Variants in RAD17 observed in about 807,000 individuals in gnomAD.
The protein encoded by RAD17 is cell cycle checkpoint protein RAD17.
A neutral mutation model predicts 81.5 loss-of-function variants in RAD17; 31 were observed. The observed-to-expected ratio is 0.38, with a 90% CI of 0.29 to 0.51. The LOEUF (loss-of-function observed/expected upper bound fraction) is 0.51. RAD17 is among the 20% of genes least tolerant of loss of function. The probability of loss-of-function intolerance (pLI) is 0.88; values close to 1 mark genes in which losing one functional copy is unlikely to be tolerated. For missense variants in RAD17, 681 were observed against 781.2 expected (o/e 0.87, Z 1.53); for synonymous variants, 261 against 266.2 (o/e 0.98, Z 0.19).
rs1241271941 is a variant in RAD17, at chr5:69,414,300, C to T, written c.*8C>T. 1 of 1,611,734 alleles carries T rather than the reference C, an allele frequency of 6.2e-7. No homozygotes were observed. Among genetic ancestry groups the T allele is most frequent in the Non-Finnish European group, 8.5e-7 (1 of 1,178,258 alleles). Reference sequence around the variant, plus strand: ...GAGAGTGATGGGACATAGAAGCCAGCCTGCTAATCAGATTGCTACTTCACA... The same window carrying T: ...GAGAGTGATGGGACATAGAAGCCAGTCTGCTAATCAGATTGCTACTTCACA... On this transcript the variant is annotated 3_prime_UTR_variant, in exon 19 of 19. Transcript: ENST00000354868.
chr5:69,382,490 A>G (rs905972778), intron 7 of RAD17, among the ~76,000 whole-genome samples: 2 of 152,186 alleles, frequency 1.3e-5, no homozygotes, highest in African/African-American at 4.8e-5. Flanking sequence ...GAAAGAAAGC[A>G]TGTCTCCAAT....
intron 18 of RAD17, among the ~76,000 whole-genome samples, chr5:69,411,946 A>G (rs977097073): frequency 6.6e-6 from 1 of 152,088 alleles, no homozygotes; most frequent in African/African-American, 2.4e-5. Flanking sequence ...GTGACTTGAG[A>G]GGCAGTATTT....
chr5:69,384,693 C>T, intron 7 of RAD17, 104 bp from the exon 8 acceptor site: 1 of 1,039,260 alleles, frequency 9.6e-7, no homozygotes, highest in Admixed American at 2.9e-5. Context: ...AAATAGTCTA[C>T]AGTATTGTGA....
intron 15 of RAD17, among the ~76,000 whole-genome samples, chr5:69,395,289 TCAC>T (rs1764813435): frequency 1.3e-5 from 2 of 152,160 alleles, no homozygotes; most frequent in African/African-American, 4.8e-5. Context: ...GGCAGGAAGA[TCAC>T]TTGAGGCCAG....
At chr5:69,373,686 ATTTTT>A (rs56385833) in intron 4 of RAD17, 139 bp from the exon 5 acceptor site, 2,789 of 250,514 alleles carry the variant, frequency 0.011, 1 homozygote, top group Middle Eastern at 0.016. Flanking sequence ...TCTCAAAAAA[ATTTTT>A]TTTTTTTTTT....
At position 69,386,474 on chromosome 5, in the gene RAD17, C is replaced by CT; in HGVS notation, c.894+10dup. ...CTATAGAAGCTAACAAGGTAAGTCT[C>CT]TGATTAATTAAACCTTACTCGATAA... On this transcript the variant is annotated intron_variant, in intron 11 of 18. Coordinates refer to ENST00000354868, the MANE Select transcript of RAD17 (RefSeq NM_133338.3). 2 of 1,571,904 alleles carry CT rather than the reference C, an allele frequency of 1.3e-6. No individual in the cohort carries two copies. The highest frequency in any genetic ancestry group is 4.5e-5 in the East Asian group (2 of 44,138).
intron 6 of RAD17, among the ~76,000 whole-genome samples, chr5:69,377,452 T>TATATATATGTATATATATATATATATAC (rs1763429843): frequency 5.8e-5 from 3 of 52,110 alleles, no homozygotes; most frequent in Non-Finnish European, 7.9e-5. Flanking sequence ...TATATATATA[T>TATATATATGTATATATATATATATATAC]ATATATATAT....
Position 69,393,189 on chromosome 5 carries a change from G to T in RAD17, c.1224G>T (p.Leu408Phe), listed in dbSNP as rs765271648. The change falls in exon 14 of 19, where the codon TTG (leucine) becomes TTT (phenylalanine). Residue 408 changes from leucine to phenylalanine, a missense_variant. Transcript: ENST00000354868. ...ASLTELDSPRLPSHLSEYERD... is the reference protein window; with the variant it reads ...ASLTELDSPRFPSHLSEYERD... ...TAACAGAATTAGACTCACCTCGGTTGCCCTCTCATTTATCAGAATATGAAC... is the reference window on the plus strand; with the variant it reads ...TAACAGAATTAGACTCACCTCGGTTTCCCTCTCATTTATCAGAATATGAAC... The T allele has an allele frequency of 3.1e-6, 5 of 1,611,374 alleles. No individual in the cohort carries two copies. The highest frequency in any genetic ancestry group is 1.7e-5 in the Admixed American group (1 of 59,718).
rs1763175949 is a variant in RAD17 at position 69,373,897 on chromosome 5, C to T, written c.77C>T (p.Ala26Val). 1.2e-6 allele frequency: 2 copies of T among 1,608,712 alleles called. No homozygotes were observed. The highest frequency in any genetic ancestry group is 1.7e-6 in the Non-Finnish European group (2 of 1,175,746). The change falls in exon 5 of 19, where the codon GCC (alanine) becomes GTC (valine). Residue 26 changes from alanine to valine, a missense_variant. Transcript: ENST00000354868. ...TGTAGTGGCGTCTCTACTATTACTG[C>T]CACATCATTAGGTGTGAATAACTCA... Reference protein sequence around the residue: ...LECSGVSTITATSLGVNNSSH... With the variant: ...LECSGVSTITVTSLGVNNSSH...
Position 69,369,884 on chromosome 5 carries a change from T to C in RAD17, c.-466T>C. 1 of 612,338 alleles carries C rather than the reference T, an allele frequency of 1.6e-6. No homozygotes were observed. Among genetic ancestry groups the C allele is most frequent in the Non-Finnish European group, 2.8e-6 (1 of 351,304 alleles). 37.9% of individuals were successfully genotyped at this position (612,338 alleles called of 1,614,324 possible). A position where few individuals can be genotyped will look rare whatever the true frequency, so the allele number is the denominator to read the frequency against. ...GTGGCTGCCCTTTCACCTAGGGTAG[T>C]CCCTGGTCGCCTCCGCTCTTCGCCT... On this transcript the variant is annotated 5_prime_UTR_variant, in exon 1 of 19. Coordinates refer to ENST00000354868, the MANE Select transcript of RAD17 (RefSeq NM_133338.3).
intron 16 of RAD17, among the ~76,000 whole-genome samples, 149 bp from the exon 17 acceptor site, chr5:69,399,878 AAACTATAAAGGACTACTTAAAT>A (rs2150858112): frequency 6.6e-6 from 1 of 152,296 alleles, no homozygotes; most frequent in East Asian, 1.9e-4. Context: ...GATGCTAAAA[AAACTATAAAGGACTACTTAAAT>A]AAGCTATTAA....
chr5:69,407,714 A>AT (rs79325852), intron 17 of RAD17, among the ~76,000 whole-genome samples: 1 of 151,850 alleles, frequency 6.6e-6, no homozygotes, highest in Admixed American at 6.6e-5. Flanking sequence ...GTAGCTGGGA[A>AT]TACAGGCATG....
At chr5:69,371,583 A>G in intron 3 of RAD17, 26 bp downstream of exon 3, 3 of 1,315,130 alleles carry the variant, frequency 2.3e-6, no homozygotes, top group Non-Finnish European at 3.0e-6. Context: ...ATGGCCATGT[A>G]ATAATTGCCT....
chr5:69,410,429 C>A, intron 17 of RAD17, 64 bp from the exon 18 acceptor site: 1 of 1,304,474 alleles, frequency 7.7e-7, no homozygotes, highest in Non-Finnish European at 1.1e-6. Context: ...TTTTCAGGTG[C>A]TTATTGGCCA....
At chr5:69,370,922 T>C in intron 1 of RAD17, 113 bp from the exon 2 acceptor site, 1 of 251,546 alleles carries the variant, frequency 4.0e-6, no homozygotes, top group Admixed American at 5.1e-5. Context: ...TGCATAAACA[T>C]TTAAGAATTT....
intron 11 of RAD17, 34 bp from the exon 12 acceptor site, chr5:69,389,000 A>G: frequency 8.7e-7 from 1 of 1,153,108 alleles, no homozygotes; most frequent in Non-Finnish European, 1.2e-6. Flanking sequence ...TTTTAAGAAA[A>G]TACTTTTTTT....
intron 6 of RAD17, among the ~76,000 whole-genome samples, chr5:69,380,245 C>G (rs1489713550): frequency 6.6e-6 from 1 of 151,984 alleles, no homozygotes; most frequent in African/African-American, 2.4e-5. Flanking sequence ...ATACATAAAC[C>G]AGTAAGATAG....
chr5:69,393,937 G>C (rs1199026111), intron 15 of RAD17, among the ~76,000 whole-genome samples: 1 of 121,440 alleles, frequency 8.2e-6, no homozygotes, highest in Non-Finnish European at 1.7e-5. Context: ...TTTTTGAGAA[G>C]AGGCTCTATC....
chr5:69,383,743 A>G (rs1764001024), intron 7 of RAD17, among the ~76,000 whole-genome samples: 1 of 152,200 alleles, frequency 6.6e-6, no homozygotes, highest in Non-Finnish European at 1.5e-5. Flanking sequence ...GAACTTCTTA[A>G]GCATTTAAGG....
Sources: allele counts gnomAD v4.1 joint callset (sites outside exome capture counted in the v4.1 genomes callset), GRCh38; gene constraint gnomAD v4.1.1; transcripts MANE v1.5; gene names NCBI Gene and HGNC (gene_info 2026-07-23, HGNC 2026-07-21).